PCDHGA6: variants seen among roughly 807,000 people sequenced by gnomAD.
PCDHGA6 encodes protocadherin gamma-A6.
PCDHGA6 carries 41 observed loss-of-function variants against 60.6 expected under a neutral mutation model. The observed-to-expected ratio is 0.68, with a 90% CI of 0.53 to 0.88. The LOEUF (loss-of-function observed/expected upper bound fraction) is 0.88. Among genes scored for constraint, PCDHGA6 ranks in the 40% least tolerant of loss-of-function variants. The probability of loss-of-function intolerance (pLI) is 0.00; values close to 1 mark genes in which losing one functional copy is unlikely to be tolerated. For synonymous variants in PCDHGA6, 594 were observed against 524.4 expected (o/e 1.13, Z -1.81); for missense variants, 1,312 against 1,203.0 (o/e 1.09, Z -1.34).
Position 141,490,270 on chromosome 5 carries a change from A to G in PCDHGA6, c.2425-4537A>G. On this transcript the variant is annotated intron_variant, in intron 1 of 3. Coordinates refer to ENST00000517434, the MANE Select transcript of PCDHGA6 (RefSeq NM_018919.3). The surrounding 1 kb of genome is among the most constrained non-coding windows in gnomAD (Gnocchi z 5.4). The stretch of plus-strand genomic sequence containing the variant: ...GATTCAAGTGGATGTGGGGGATGTC[A>G]ATGACAATGCCCCAGAGGTGCTATT... The G allele has an allele frequency of 6.2e-7, 1 of 1,614,226 alleles. No individual in the cohort carries two copies. Among genetic ancestry groups the G allele is most frequent in the African/African-American group, 1.3e-5 (1 of 75,060 alleles).
chr5:141,472,838 T>C (rs1457889821), intron 1 of PCDHGA6, among the ~76,000 whole-genome samples: 1 of 151,464 alleles, frequency 6.6e-6, no homozygotes, highest in Non-Finnish European at 1.5e-5. Context: ...AATAGAAAAT[T>C]AGCTGGGCAT....
chr5:141,428,305 G>T (rs751498223), intron 1 of PCDHGA6: 8 of 694,348 alleles, frequency 1.2e-5, no homozygotes. Flanking sequence ...GATTTACCTG[G>T]TCGTGGCCTT....
intron 1 of PCDHGA6, among the ~76,000 whole-genome samples, chr5:141,447,339 A>T (rs767342137): frequency 6.6e-6 from 1 of 151,770 alleles, no homozygotes; most frequent in Non-Finnish European, 1.5e-5. Flanking sequence ...GGGTTTCATC[A>T]TATTGGTCAG....
chr5:141,495,386 G>C (rs2099760934), intron 2 of PCDHGA6, among the ~76,000 whole-genome samples: 1 of 152,214 alleles, frequency 6.6e-6, no homozygotes, highest in Non-Finnish European at 1.5e-5. Context: ...GGACTGGGCG[G>C]GGCATGGAGC....
intron 1 of PCDHGA6, among the ~76,000 whole-genome samples, chr5:141,381,177 C>G (rs935775632): frequency 6.6e-6 from 1 of 152,214 alleles, no homozygotes; most frequent in African/African-American, 2.4e-5. Context: ...TCCCACAAAA[C>G]GAAGTTAAGC....
chr5:141,457,149 G>A (rs1016628234), intron 1 of PCDHGA6, among the ~76,000 whole-genome samples: 6 of 152,180 alleles, frequency 3.9e-5, no homozygotes, highest in African/African-American at 1.4e-4. Flanking sequence ...TCAGTTAGAA[G>A]GTGCTACCAT....
chr5:141,410,317 C>T lies in PCDHGA6; in HGVS notation c.2424+33810C>T, dbSNP rs527641698. ...CCTTAATCTCAGTGCTCTTCCTCCT[C>T]GCCGTGATTCTGGCCATTGCCTTGC... On this transcript the variant is annotated intron_variant, in intron 1 of 3. Coordinates refer to ENST00000517434, the MANE Select transcript of PCDHGA6 (RefSeq NM_018919.3). The T allele has an allele frequency of 2.7e-5, 43 of 1,614,010 alleles. No individual in the cohort carries two copies. In the East Asian group the frequency reaches 8.0e-4, roughly 30 times the overall value.
intron 1 of PCDHGA6, chr5:141,387,909 G>C (rs1383616266): frequency 8.0e-6 from 12 of 1,498,886 alleles, no homozygotes; most frequent in Non-Finnish European, 1.1e-5. Flanking sequence ...CGGGGAGCTG[G>C]GCCGGGCTGA....
In PCDHGA6 at chr5:141,477,472, C is replaced by T. The variant is rs764533834; in HGVS notation, c.2425-17335C>T. 1 of 1,614,156 alleles carries T rather than the reference C, an allele frequency of 6.2e-7. No homozygotes were observed. Among genetic ancestry groups the T allele is most frequent in the South Asian group, 1.1e-5 (1 of 91,080 alleles). Reference sequence around the variant, plus strand: ...GTGTTCAAGTGTCCGACATCAATGACAACCCTCCACAATCTTCTCAATCTT... The same window carrying T: ...GTGTTCAAGTGTCCGACATCAATGATAACCCTCCACAATCTTCTCAATCTT... On this transcript the variant is annotated intron_variant, in intron 1 of 3. Transcript: ENST00000517434. This position sits in a 1 kb window ranked among gnomAD's most constrained non-coding sequence, Gnocchi z 4.9.
intron 1 of PCDHGA6, chr5:141,410,112 C>T (rs775292594): frequency 1.9e-6 from 3 of 1,612,566 alleles, no homozygotes; most frequent in East Asian, 4.5e-5. Context: ...GACAGGGACG[C>T]AGCCCGCCAG....
intron 1 of PCDHGA6, chr5:141,423,860 G>A: frequency 7.8e-7 from 1 of 1,283,074 alleles, no homozygotes; most frequent in Non-Finnish European, 9.9e-7. Context: ...ACGTTTTTGT[G>A]AAAGTCATTT....
At chr5:141,465,284 A>C (rs2099100147) in intron 1 of PCDHGA6, among the ~76,000 whole-genome samples, 1 of 152,176 alleles carries the variant, frequency 6.6e-6, no homozygotes, top group African/African-American at 2.4e-5. Flanking sequence ...TTCACCCCTA[A>C]AGAACTGAGA....
intron 1 of PCDHGA6, chr5:141,409,349 A>G: frequency 6.2e-7 from 1 of 1,614,030 alleles, no homozygotes. Context: ...TGGAGAAGTC[A>G]GGTGTAATAT....
chr5:141,441,362 G>A (rs1489202253), intron 1 of PCDHGA6: 1 of 152,484 alleles, frequency 6.6e-6, no homozygotes, highest in Non-Finnish European at 1.5e-5. Context: ...AACAAATGGG[G>A]CCGTGGACCA....
chr5:141,428,176 A>G (rs751446929), intron 1 of PCDHGA6: 21 of 1,507,402 alleles, frequency 1.4e-5, no homozygotes, highest in Non-Finnish European at 1.9e-5. Context: ...TGCGTGACGG[A>G]GGACAGCCGC....
At chr5:141,418,265 G>A (rs2096242953) in intron 1 of PCDHGA6, 1 of 1,614,062 alleles carries the variant, frequency 6.2e-7, no homozygotes, top group East Asian at 2.2e-5. Context: ...ATTCCGGAAA[G>A]ATGAAATAAA....
rs142590218 is a variant in PCDHGA6, at chr5:141,489,982, C to T, written c.2425-4825C>T. On this transcript the variant is annotated intron_variant, in intron 1 of 3. Coordinates refer to ENST00000517434, the MANE Select transcript of PCDHGA6 (RefSeq NM_018919.3). This position sits in a 1 kb window ranked among gnomAD's most constrained non-coding sequence, Gnocchi z 4.5. ...TCCAACCTTCCAATCCTCAGTTCTA[C>T]GTGTGGGAATCCCAGAGAATGCACC... The T allele has an allele frequency of 2.9e-5, 47 of 1,614,010 alleles. No individual in the cohort carries two copies. The highest frequency in any genetic ancestry group is 3.7e-5 in the Non-Finnish European group (44 of 1,179,964).
chr5:141,415,654 A>G, intron 1 of PCDHGA6: 1 of 1,573,242 alleles, frequency 6.4e-7, no homozygotes. Flanking sequence ...AAAAAAAAAG[A>G]TTGGTTTTTA....
intron 1 of PCDHGA6, among the ~76,000 whole-genome samples, chr5:141,444,006 G>T (rs1279816416): frequency 2.0e-5 from 3 of 152,012 alleles, no homozygotes; most frequent in Non-Finnish European, 4.4e-5. Flanking sequence ...TGCTACCTGG[G>T]TATTGGCTTC....
Sources: gnomAD v4.1 joint callset for allele counts (sites outside exome capture counted in the v4.1 genomes callset) on GRCh38, gnomAD v4.1.1 for gene constraint, Gnocchi (gnomAD v3.1) non-coding constraint, MANE v1.5 for transcripts, NCBI Gene and HGNC (gene_info 2026-07-23, HGNC 2026-07-21) for gene names.